Variants in TTC12 observed in about 807,000 individuals in gnomAD.
The protein encoded by TTC12 is tetratricopeptide repeat domain 12, also known as tetratricopeptide repeat protein 12.
TTC12 carries 70 observed loss-of-function variants against 90.1 expected under a neutral mutation model. The ratio of observed to expected loss-of-function variants is 0.78; its 90% CI spans 0.64 to 0.95. The LOEUF (loss-of-function observed/expected upper bound fraction) is 0.95. Among genes scored for constraint, TTC12 ranks in the 40% least tolerant of loss-of-function variants. TTC12 has a pLI of 0.00. For synonymous variants in TTC12, 296 were observed against 311.5 expected (o/e 0.95, Z 0.53); for missense variants, 819 against 846.1 (o/e 0.97, Z 0.40).
rs1948704205 is a variant in TTC12, at chr11:113,341,847, ACAG to A, written c.911_913del (p.Ala304del). ...CTTTGTCCATTCTAGGTGTTTTTCC[ACAG>A]CAGGAAATGATGCAGTTGAAGAAAT... On this transcript the variant is annotated inframe_deletion, in exon 12 of 22. Coordinates refer to ENST00000529221, the MANE Select transcript of TTC12 (RefSeq NM_017868.4). The A allele has an allele frequency of 1.9e-6, 3 of 1,613,768 alleles. No homozygotes were observed. The South Asian group carries it at 3.3e-5, about 18-fold the overall frequency.
chr11:113,344,360 G>A lies in TTC12; in HGVS notation c.1074G>A (p.Gln358=). The change falls in exon 13 of 22, where the codon CAG becomes CAA. Residue 358 remains glutamine, a synonymous_variant. Transcript: ENST00000529221. The stretch of plus-strand genomic sequence containing the variant: ...CCTCCAAGGTCCTGGCCATCCGGCA[G>A]CAGAGCTTTGCCCTGCTGCTGCATC... ...LLSSKVLAIR[Q]QSFALLLHLA... 1 of 1,614,214 alleles carries A rather than the reference G, an allele frequency of 6.2e-7. No individual in the cohort carries two copies. The highest frequency in any genetic ancestry group is 8.5e-7 in the Non-Finnish European group (1 of 1,180,028).
intron 7 of TTC12, among the ~76,000 whole-genome samples, chr11:113,332,367 C>T (rs781853541): frequency 6.6e-6 from 1 of 152,188 alleles, no homozygotes. Flanking sequence ...CAACTATCTG[C>T]ACTTCACGGT....
In TTC12 at chr11:113,350,172, T is replaced by C; in HGVS notation, c.1247+7T>C. On this transcript the variant is annotated splice_region_variant and intron_variant, in intron 14 of 21. Transcript: ENST00000529221. Reference sequence around the variant, plus strand: ...ACTTGGCTCTGGAAGAAAGGTAATTTTTTTATTTATAGAAATTGACATTTC... The same window carrying C: ...ACTTGGCTCTGGAAGAAAGGTAATTCTTTTATTTATAGAAATTGACATTTC... 6.3e-7 allele frequency: 1 copy of C among 1,589,222 alleles called. No homozygotes were observed.
intron 18 of TTC12, 29 bp from the exon 19 acceptor site, chr11:113,362,372 T>G: frequency 6.5e-7 from 1 of 1,538,296 alleles, no homozygotes; most frequent in Non-Finnish European, 9.0e-7. Flanking sequence ...GAAAAGGACA[T>G]TTAATTATCC....
intron 16 of TTC12, among the ~76,000 whole-genome samples, chr11:113,356,715 G>T (rs1416442453): frequency 6.6e-6 from 1 of 152,096 alleles, no homozygotes; most frequent in Admixed American, 6.6e-5. Context: ...GAAATTCTGG[G>T]TTGGAATTTA....
At chr11:113,338,090 GT>G (rs1555144615) in intron 8 of TTC12, among the ~76,000 whole-genome samples, 1 of 152,048 alleles carries the variant, frequency 6.6e-6, no homozygotes, top group East Asian at 1.9e-4. Context: ...TGTTGTTGTT[GT>G]TGTTGTTTTC....
At chr11:113,335,306 A>T (rs1422309443) in intron 8 of TTC12, among the ~76,000 whole-genome samples, 2 of 152,196 alleles carry the variant, frequency 1.3e-5, no homozygotes, top group African/African-American at 4.8e-5. Flanking sequence ...AAGAGAAAAC[A>T]AAATTTGCTG....
chr11:113,328,372 G>C (rs1302994763), intron 6 of TTC12, among the ~76,000 whole-genome samples: 1 of 152,128 alleles, frequency 6.6e-6, no homozygotes, highest in African/African-American at 2.4e-5. Flanking sequence ...TATTCCTCTA[G>C]TCCTTAGAAA....
chr11:113,354,530 T>C (rs1949511595), intron 16 of TTC12, among the ~76,000 whole-genome samples: 2 of 152,226 alleles, frequency 1.3e-5, no homozygotes, highest in Admixed American at 1.3e-4. Context: ...GGCATCCTTA[T>C]CTTGTGCTGG....
At chr11:113,327,641 GAAA>G (rs573593343) in intron 6 of TTC12, among the ~76,000 whole-genome samples, 1 of 146,838 alleles carries the variant, frequency 6.8e-6, no homozygotes, top group African/African-American at 2.5e-5. Flanking sequence ...AAGAGAGAAA[GAAA>G]AAAAAAAGTA....
At chr11:113,334,199 A>G (rs1386586736) in intron 7 of TTC12, among the ~76,000 whole-genome samples, 1 of 152,214 alleles carries the variant, frequency 6.6e-6, no homozygotes, top group Non-Finnish European at 1.5e-5. Flanking sequence ...AATGTCTTGC[A>G]TATAAAAGAA....
chr11:113,362,436 C>T lies in TTC12; in HGVS notation c.1650C>T (p.Ser550=). 1 of 1,614,060 alleles carries T rather than the reference C, an allele frequency of 6.2e-7. No homozygotes were observed. Among genetic ancestry groups the T allele is most frequent in the African/African-American group, 1.3e-5 (1 of 75,046 alleles). Residue 550 remains serine (S), a synonymous_variant, in exon 19 of 22, where the codon TCC becomes TCT. Coordinates refer to ENST00000529221, the MANE Select transcript of TTC12 (RefSeq NM_017868.4). Reference sequence around the variant, plus strand: ...GTGTTCTGAGCCGGACCCTTTCTTCCTCTCTGAAAATTGTTGAGGAGGCCT... The same window carrying T: ...GTGTTCTGAGCCGGACCCTTTCTTCTTCTCTGAAAATTGTTGAGGAGGCCT... ...AAGVLSRTLS[S]SLKIVEEALR... is the part of the protein sequence containing the mutation.
intron 3 of TTC12, 28 bp from the exon 4 acceptor site, chr11:113,323,966 T>C: frequency 6.2e-7 from 1 of 1,601,294 alleles, no homozygotes. Context: ...ATTTGTTTCT[T>C]TGTTTTTATG....
chr11:113,371,714 G>A (rs1950390712), intron 21 of TTC12, among the ~76,000 whole-genome samples: 1 of 152,160 alleles, frequency 6.6e-6, no homozygotes, highest in Non-Finnish European at 1.5e-5. Flanking sequence ...TGGTGGGAGT[G>A]CAGGCTCAAA....
At chr11:113,361,295 G>A (rs1365243779) in intron 18 of TTC12, among the ~76,000 whole-genome samples, 1 of 152,072 alleles carries the variant, frequency 6.6e-6, no homozygotes, top group Non-Finnish European at 1.5e-5. Context: ...GCCATTGGGG[G>A]GGAACAAAAA....
downstream of TTC12, among the ~76,000 whole-genome samples, chr11:113,367,156 CATT>C (rs1950244582): frequency 6.6e-6 from 1 of 152,198 alleles, no homozygotes; most frequent in Non-Finnish European, 1.5e-5. Context: ...CAATAAGTGG[CATT>C]ATCTCTGGCT....
chr11:113,349,597 G>A (rs1949155946), intron 13 of TTC12, among the ~76,000 whole-genome samples: 1 of 152,206 alleles, frequency 6.6e-6, no homozygotes, highest in Admixed American at 6.5e-5. Flanking sequence ...GCTCTAAGTG[G>A]AGGACTTTGA....
At position 113,352,033 on chromosome 11, in the gene TTC12, C is replaced by G. The variant is rs782576095; in HGVS notation, c.1309-37C>G. On this transcript the variant is annotated intron_variant, in intron 15 of 21. Transcript: ENST00000529221. ...GAGATCATGCGGCATCCTTTGCCTG[C>G]TCTCTGAGGCTCTGCCTTCTCTCAA... The G allele has an allele frequency of 1.9e-6, 3 of 1,605,792 alleles. No homozygotes were observed. In the South Asian group the frequency reaches 3.3e-5, roughly 18 times the overall value.
intron 21 of TTC12, among the ~76,000 whole-genome samples, chr11:113,372,788 G>T (rs1591245006): frequency 6.6e-6 from 1 of 152,204 alleles, no homozygotes; most frequent in South Asian, 2.1e-4. Context: ...TCATGTTCTT[G>T]TTCCCAGTTA....
Sources: gnomAD v4.1 joint callset for allele counts (sites outside exome capture counted in the v4.1 genomes callset) on GRCh38, gnomAD v4.1.1 for gene constraint, MANE v1.5 for transcripts, NCBI Gene and HGNC (gene_info 2026-07-23, HGNC 2026-07-21) for gene names.